PPP2R2B: variants seen among roughly 807,000 people sequenced by gnomAD.
PPP2R2B encodes the protein serine/threonine-protein phosphatase 2A 55 kDa regulatory subunit B beta isoform.
PPP2R2B carries 5 observed loss-of-function variants against 46.0 expected under a neutral mutation model. The ratio of observed to expected loss-of-function variants is 0.11; its 90% CI spans 0.06 to 0.23. The LOEUF is 0.23. Among genes scored for constraint, PPP2R2B ranks in the 10% least tolerant of loss-of-function variants. The probability of loss-of-function intolerance (pLI) is 1.00; values close to 1 mark genes in which losing one functional copy is unlikely to be tolerated. For synonymous variants in PPP2R2B, 215 were observed against 206.7 expected (o/e 1.04, Z -0.34); for missense variants, 367 against 575.0 (o/e 0.64, Z 3.70).
intron 2 of PPP2R2B, among the ~76,000 whole-genome samples, chr5:146,708,832 T>C (rs1481047116): frequency 6.6e-6 from 1 of 152,226 alleles, no homozygotes; most frequent in African/African-American, 2.4e-5. Context: ...TTTGCCAACC[T>C]GCATCCAAGC....
At chr5:146,646,328 T>C (rs1302090965) in intron 6 of PPP2R2B, among the ~76,000 whole-genome samples, 1 of 152,234 alleles carries the variant, frequency 6.6e-6, no homozygotes, top group Non-Finnish European at 1.5e-5. Flanking sequence ...GGATTCTAGG[T>C]ATACCATAGT....
intron 1 of PPP2R2B, among the ~76,000 whole-genome samples, chr5:146,957,410 T>C (rs1399111146): frequency 6.6e-6 from 1 of 152,200 alleles, no homozygotes; most frequent in Non-Finnish European, 1.5e-5. Context: ...CAGAAGTGTG[T>C]ACCATGCATA....
intron 7 of PPP2R2B, chr5:146,607,660 A>G (rs1772420767): frequency 6.6e-6 from 1 of 152,378 alleles, no homozygotes; most frequent in South Asian, 2.1e-4. Flanking sequence ...TTCAAAGTTA[A>G]GAAATAATGA....
chr5:146,902,969 C>T (rs1225792880), intron 1 of PPP2R2B, among the ~76,000 whole-genome samples: 1 of 152,196 alleles, frequency 6.6e-6, no homozygotes, highest in Non-Finnish European at 1.5e-5. Context: ...ATGTTATTTG[C>T]TTTTGTAACT....
At chr5:146,606,820 C>A (rs1241740163) in intron 7 of PPP2R2B, 1 of 152,182 alleles carries the variant, frequency 6.6e-6, no homozygotes, top group Non-Finnish European at 1.5e-5. Flanking sequence ...TCACCCCCAC[C>A]CTGGCTGTGA....
chr5:147,072,147 T>A (rs772679479), intron 2 of PPP2R2B, among the ~76,000 whole-genome samples: 18 of 152,198 alleles, frequency 1.2e-4, no homozygotes, highest in Admixed American at 4.6e-4. Flanking sequence ...GCTGCCTTAA[T>A]CTCCTCATAT....
rs867514617 is a variant in PPP2R2B at position 146,983,232 on chromosome 5, G to C, written c.79+72433C>G. On this transcript the variant is annotated intron_variant, in intron 1 of 8. Coordinates refer to the PPP2R2B transcript ENST00000336640. Reference sequence around the variant, plus strand: ...GTCTTGCTCTGTCCCCCAGGCTGGAGTGCAGTGGCACAATCTCGGCTCACT... The same window carrying C: ...GTCTTGCTCTGTCCCCCAGGCTGGACTGCAGTGGCACAATCTCGGCTCACT... Among the ~76,000 whole-genome samples the C allele has an allele frequency of 1.1e-4, 14 of 131,218 alleles. No individual in the cohort carries two copies. The East Asian group carries it at 1.2e-3, about 11-fold the overall frequency. The allele number at this position is 131,218 out of a possible 152,430, so 86.1% of individuals were successfully genotyped here. A position where few individuals can be genotyped will look rare whatever the true frequency, so the allele number is the denominator to read the frequency against.
At chr5:146,894,097 G>A (rs1762572355) in intron 1 of PPP2R2B, among the ~76,000 whole-genome samples, 1 of 152,108 alleles carries the variant, frequency 6.6e-6, no homozygotes, top group Admixed American at 6.6e-5. Flanking sequence ...CATTTACGCT[G>A]CTACTAAGTT....
chr5:147,069,232 A>G (rs145735824), intron 2 of PPP2R2B, among the ~76,000 whole-genome samples: 5 of 152,294 alleles, frequency 3.3e-5, no homozygotes, highest in African/African-American at 1.2e-4. Flanking sequence ...GCATTTTACT[A>G]TGAGAGGTGA....
chr5:146,696,394 G>A, intron 4 of PPP2R2B, among the ~76,000 whole-genome samples: 1 of 152,140 alleles, frequency 6.6e-6, no homozygotes, highest in East Asian at 1.9e-4. Flanking sequence ...GTGAGCCACC[G>A]CGCCTGGCCA....
chr5:146,668,741 T>C (rs1288785678), intron 5 of PPP2R2B, among the ~76,000 whole-genome samples: 1 of 152,204 alleles, frequency 6.6e-6, no homozygotes. Flanking sequence ...CTATGCTCTG[T>C]CCTTTTAGAA....
intron 2 of PPP2R2B, among the ~76,000 whole-genome samples, chr5:146,863,149 A>G (rs1325940064): frequency 6.6e-6 from 1 of 152,120 alleles, no homozygotes; most frequent in African/African-American, 2.4e-5. Flanking sequence ...CATCTTGTTC[A>G]CAAATGGAAC....
At chr5:146,631,188 G>C (rs1206543931) in intron 7 of PPP2R2B, among the ~76,000 whole-genome samples, 1 of 152,184 alleles carries the variant, frequency 6.6e-6, no homozygotes, top group Non-Finnish European at 1.5e-5. Flanking sequence ...AGGGAGTTTT[G>C]ATCTTTCCTG....
At chr5:146,590,809 A>AACTT (rs779521184) in intron 9 of PPP2R2B, among the ~76,000 whole-genome samples, 26 of 152,112 alleles carry the variant, frequency 1.7e-4, no homozygotes, top group Admixed American at 1.1e-3. Context: ...CTTTTTAGAA[A>AACTT]ACTTATCTAC....
intron 7 of PPP2R2B, among the ~76,000 whole-genome samples, chr5:146,632,619 C>T (rs1161248955): frequency 6.6e-6 from 1 of 152,100 alleles, no homozygotes; most frequent in African/African-American, 2.4e-5. Flanking sequence ...CTAAGTAAAG[C>T]AAACAACTAT....
At chr5:147,016,928 A>G (rs533994490) in intron 1 of PPP2R2B, among the ~76,000 whole-genome samples, 73 of 151,774 alleles carry the variant, frequency 4.8e-4, no homozygotes, top group African/African-American at 1.8e-3. Flanking sequence ...CAAGTTACAG[A>G]ATATCCTACA....
chr5:147,053,403 G>A (rs1756925820), intron 1 of PPP2R2B, among the ~76,000 whole-genome samples: 2 of 151,882 alleles, frequency 1.3e-5, no homozygotes, highest in Admixed American at 1.3e-4. Context: ...AGATTGTTTG[G>A]GCTATTTGTA....
At chr5:147,004,847 C>G (rs1272034857) in intron 1 of PPP2R2B, among the ~76,000 whole-genome samples, 2 of 152,110 alleles carry the variant, frequency 1.3e-5, no homozygotes, top group African/African-American at 4.8e-5. Flanking sequence ...TGGGACAACC[C>G]CACAACCAGT....
chr5:146,739,637 C>T (rs1346142277), intron 2 of PPP2R2B, among the ~76,000 whole-genome samples: 1 of 152,164 alleles, frequency 6.6e-6, no homozygotes, highest in East Asian at 1.9e-4. Context: ...GAAGAGGATG[C>T]ATCAAAGATT....
Sources: allele counts gnomAD v4.1 joint callset (sites outside exome capture counted in the v4.1 genomes callset), GRCh38; gene constraint gnomAD v4.1.1; transcripts MANE v1.5; gene names NCBI Gene and HGNC (gene_info 2026-07-23, HGNC 2026-07-21).